The following GRIK2 variants were observed in gnomAD, a reference collection of about 807,000 sequenced individuals.
The protein encoded by GRIK2 is glutamate receptor ionotropic, kainate 2.
A neutral mutation model predicts 100.3 loss-of-function variants in GRIK2; 32 were observed. The observed-to-expected ratio is 0.32, with a 90% CI of 0.24 to 0.43. The LOEUF (loss-of-function observed/expected upper bound fraction) is 0.43, where lower values mean the gene tolerates loss of function less well. GRIK2 is among the 20% of genes least tolerant of loss of function. GRIK2 has a pLI of 1.00. For synonymous variants in GRIK2, 417 were observed against 389.4 expected (o/e 1.07, Z -0.83); for missense variants, 843 against 1,114.9 (o/e 0.76, Z 3.47).
intron 5 of GRIK2, among the ~76,000 whole-genome samples, chr6:101,677,342 A>G (rs1295487434): frequency 6.6e-6 from 1 of 152,164 alleles, no homozygotes; most frequent in Non-Finnish European, 1.5e-5. Flanking sequence ...AACATAGCAG[A>G]GGGATTGATA....
intron 2 of GRIK2, among the ~76,000 whole-genome samples, chr6:101,435,587 G>A (rs1445667042): frequency 6.6e-6 from 1 of 151,920 alleles, no homozygotes; most frequent in Non-Finnish European, 1.5e-5. Context: ...CCATGCCAGT[G>A]GCTTAGTAAA....
At chr6:101,922,041 A>G (rs1368519120) in intron 12 of GRIK2, among the ~76,000 whole-genome samples, 1 of 125,750 alleles carries the variant, frequency 8.0e-6, no homozygotes, top group Non-Finnish European at 1.9e-5. Context: ...AACCAGTGTC[A>G]GTGTTCCCAG....
At position 101,885,025 on chromosome 6, in the gene GRIK2, C is replaced by T. The variant is rs573395743; in HGVS notation, c.1525-4615C>T. Reference sequence around the variant, plus strand: ...TTACCATTCCCTCAGTTTAGAGTTACATGCTTTGATCGAAGGGTATGCCTG... The same window carrying T: ...TTACCATTCCCTCAGTTTAGAGTTATATGCTTTGATCGAAGGGTATGCCTG... On this transcript the variant is annotated intron_variant, in intron 11 of 16. Coordinates refer to ENST00000369134, the MANE Select transcript of GRIK2 (RefSeq NM_021956.5). Among the ~76,000 whole-genome samples, 17 of 152,206 alleles carry T rather than the reference C, an allele frequency of 1.1e-4. No individual in the cohort carries two copies. In the South Asian group the frequency reaches 3.5e-3, roughly 32 times the overall value.
chr6:102,053,499 T>C (rs2782891), intron 15 of GRIK2, among the ~76,000 whole-genome samples: 9 of 151,928 alleles, frequency 5.9e-5, no homozygotes, highest in African/African-American at 2.2e-4. Context: ...CCTCAGAATA[T>C]GCAAACATTT....
intron 2 of GRIK2, among the ~76,000 whole-genome samples, chr6:101,579,388 A>T (rs1435338222): frequency 6.6e-6 from 1 of 151,366 alleles, no homozygotes; most frequent in East Asian, 1.9e-4. Flanking sequence ...CAGTTTCATC[A>T]TGCTCTCTTT....
intron 2 of GRIK2, among the ~76,000 whole-genome samples, chr6:101,478,623 C>T (rs1033250113): frequency 2.0e-5 from 3 of 151,088 alleles, no homozygotes; most frequent in African/African-American, 7.3e-5. Context: ...ATGCCATTCT[C>T]CTGACTCAGC....
intron 2 of GRIK2, among the ~76,000 whole-genome samples, chr6:101,402,992 G>T (rs372646998): frequency 6.6e-6 from 1 of 152,152 alleles, no homozygotes. Flanking sequence ...TACTTTAGCC[G>T]GTCCTTCTCT....
chr6:101,423,326 G>A (rs759028476), intron 2 of GRIK2, among the ~76,000 whole-genome samples: 1 of 152,050 alleles, frequency 6.6e-6, no homozygotes, highest in African/African-American at 2.4e-5. Context: ...CTTGTTCTTA[G>A]GTATACTTTA....
intron 2 of GRIK2, among the ~76,000 whole-genome samples, chr6:101,600,849 C>T (rs1779179322): frequency 6.6e-6 from 1 of 151,784 alleles, no homozygotes. Flanking sequence ...ATCATATCAT[C>T]AGTGAAGGCA....
intron 14 of GRIK2, among the ~76,000 whole-genome samples, chr6:102,023,443 T>A (rs1044166127): frequency 6.6e-6 from 1 of 151,400 alleles, no homozygotes; most frequent in East Asian, 1.9e-4. Context: ...GCTTGTAGGG[T>A]AACAAACAGA....
At chr6:101,836,668 T>TTTC (rs1783134445) in intron 10 of GRIK2, among the ~76,000 whole-genome samples, 1 of 114,378 alleles carries the variant, frequency 8.7e-6, no homozygotes, top group African/African-American at 3.2e-5. Context: ...TATATTTTTT[T>TTTC]TTTTTTTTTT....
At chr6:101,476,518 A>G (rs1405779836) in intron 2 of GRIK2, among the ~76,000 whole-genome samples, 1 of 151,396 alleles carries the variant, frequency 6.6e-6, no homozygotes, top group Non-Finnish European at 1.5e-5. Flanking sequence ...TATGAGCATC[A>G]TAAGTGTATG....
At chr6:101,500,651 A>G (rs1773700619) in intron 2 of GRIK2, among the ~76,000 whole-genome samples, 1 of 152,066 alleles carries the variant, frequency 6.6e-6, no homozygotes, top group Non-Finnish European at 1.5e-5. Flanking sequence ...CTTGTCTTCT[A>G]TAATTGACGG....
chr6:101,736,993 A>G (rs557250915), intron 7 of GRIK2, among the ~76,000 whole-genome samples: 1 of 152,260 alleles, frequency 6.6e-6, no homozygotes, highest in South Asian at 2.1e-4. Context: ...AGTTCCACAT[A>G]TCTTTAGGTC....
At chr6:101,423,964 G>T (rs1414058828) in intron 2 of GRIK2, among the ~76,000 whole-genome samples, 1 of 152,110 alleles carries the variant, frequency 6.6e-6, no homozygotes, top group African/African-American at 2.4e-5. Context: ...GGAATGTAAG[G>T]TAGCTGTGGG....
chr6:101,689,048 TC>T (rs1771908401), intron 7 of GRIK2, among the ~76,000 whole-genome samples: 2 of 152,040 alleles, frequency 1.3e-5, no homozygotes, highest in East Asian at 3.9e-4. Flanking sequence ...ACATAAGTAT[TC>T]TTTTTCTTTT....
rs1438532101 is a variant in GRIK2 at position 101,630,814 on chromosome 6, A to C, written c.541+4177A>C. 2.0e-5 allele frequency among the ~76,000 whole-genome samples: 3 copies of C among 151,936 alleles called. No individual in the cohort carries two copies. The East Asian group carries it at 5.8e-4, about 29-fold the overall frequency. Reference sequence around the variant, plus strand: ...ACATTACTGTCTTTATGATGGACTTATGTATCTGCTTTTACTGCAAAACAC... The same window carrying C: ...ACATTACTGTCTTTATGATGGACTTCTGTATCTGCTTTTACTGCAAAACAC... On this transcript the variant is annotated intron_variant, in intron 4 of 16. Coordinates refer to ENST00000369134, the MANE Select transcript of GRIK2 (RefSeq NM_021956.5).
At chr6:101,649,026 A>T (rs1357503085) in intron 4 of GRIK2, among the ~76,000 whole-genome samples, 1 of 152,094 alleles carries the variant, frequency 6.6e-6, no homozygotes, top group Non-Finnish European at 1.5e-5. Flanking sequence ...TGACTCAATT[A>T]TCTTCACTTG....
chr6:101,955,389 T>C (rs570694920), intron 14 of GRIK2, among the ~76,000 whole-genome samples: 22 of 152,292 alleles, frequency 1.4e-4, no homozygotes, highest in Non-Finnish European at 2.5e-4. Context: ...CAGTGGCTCA[T>C]GTCTGTAATC....
Sources: gnomAD v4.1 joint callset for allele counts (sites outside exome capture counted in the v4.1 genomes callset) on GRCh38, gnomAD v4.1.1 for gene constraint, MANE v1.5 for transcripts, NCBI Gene and HGNC (gene_info 2026-07-23, HGNC 2026-07-21) for gene names.